CTNND2: variants seen among roughly 807,000 people sequenced by gnomAD.
The protein encoded by CTNND2 is catenin delta-2.
CTNND2 carries 22 observed loss-of-function variants against 144.4 expected under a neutral mutation model. That is an observed-to-expected ratio of 0.15 (90% CI 0.11 to 0.22). The LOEUF is 0.22. Ranked by LOEUF, CTNND2 falls within the 10% of genes least tolerant of loss-of-function variation. The pLI, the probability that CTNND2 is intolerant of heterozygous loss-of-function variation, is 1.00. For missense variants in CTNND2, 1,353 were observed against 1,618.8 expected, an observed-to-expected ratio of 0.84 and a Z score of 2.82; for synonymous variants, 751 against 695.6, an observed-to-expected ratio of 1.08 and a Z score of -1.25.
chr5:11,755,996 G>A (rs187760584), intron 1 of CTNND2, among the ~76,000 whole-genome samples: 1 of 151,712 alleles, frequency 6.6e-6, no homozygotes, highest in East Asian at 1.9e-4. Flanking sequence ...GTGTGGTCAT[G>A]TGGAGGTAGA....
chr5:11,346,676 A>G, intron 8 of CTNND2, 49 bp from the exon 9 acceptor site: 1 of 1,418,894 alleles, frequency 7.0e-7, no homozygotes, highest in Non-Finnish European at 9.2e-7. Flanking sequence ...ACCTGCTCAC[A>G]GAAATGGTTA....
chr5:11,081,748 T>C (rs1749593990), intron 16 of CTNND2, among the ~76,000 whole-genome samples: 1 of 152,238 alleles, frequency 6.6e-6, no homozygotes, highest in Non-Finnish European at 1.5e-5. Flanking sequence ...TCATATGTTC[T>C]ATGATTCCAT....
In CTNND2 at chr5:11,482,516, G is replaced by A. The variant is rs546664581; in HGVS notation, c.288-70447C>T. On this transcript the variant is annotated intron_variant, in intron 3 of 21. Transcript: ENST00000304623. ...GTAGTGAATAAAAACATCAAGAATC[G>A]CCATTCTCAAGGCGCTAACATTCCA... Among the ~76,000 whole-genome samples, 7 of 152,130 alleles carry A rather than the reference G, an allele frequency of 4.6e-5. No individual in the cohort carries two copies. In the East Asian group the frequency reaches 1.4e-3, roughly 30 times the overall value.
intron 9 of CTNND2, among the ~76,000 whole-genome samples, chr5:11,275,228 G>A (rs1746411058): frequency 1.3e-5 from 2 of 152,132 alleles, no homozygotes; most frequent in Admixed American, 1.3e-4. Flanking sequence ...TGGGGAAACT[G>A]AGTCACAAAG....
intron 3 of CTNND2, among the ~76,000 whole-genome samples, chr5:11,555,752 C>T (rs888870685): frequency 5.3e-5 from 8 of 151,752 alleles, no homozygotes; most frequent in Non-Finnish European, 8.8e-5. Context: ...GGGGTTATGA[C>T]AAGAAGAACA....
intron 2 of CTNND2, among the ~76,000 whole-genome samples, chr5:11,728,547 A>C (rs535030930): frequency 9.9e-5 from 15 of 152,278 alleles, no homozygotes; most frequent in African/African-American, 3.6e-4. Flanking sequence ...CAATAAGAAA[A>C]ACTAAAAGGA....
At chr5:11,106,642 G>A (rs1046886894) in intron 14 of CTNND2, among the ~76,000 whole-genome samples, 8 of 152,154 alleles carry the variant, frequency 5.3e-5, no homozygotes, top group African/African-American at 9.7e-5. Flanking sequence ...AATGCTACAC[G>A]ATTTCACTGG....
chr5:11,256,629 T>C (rs868394843), intron 9 of CTNND2, among the ~76,000 whole-genome samples: 4 of 152,320 alleles, frequency 2.6e-5, no homozygotes, highest in Middle Eastern at 6.8e-3. Context: ...ATATTACATA[T>C]GTACTAACTT....
intron 10 of CTNND2, among the ~76,000 whole-genome samples, chr5:11,204,536 G>A (rs1318341365): frequency 6.6e-6 from 1 of 152,090 alleles, no homozygotes; most frequent in Admixed American, 6.5e-5. Context: ...AGATATGCAA[G>A]TAATGCAATA....
chr5:11,749,838 T>C (rs1788514271), intron 1 of CTNND2, among the ~76,000 whole-genome samples: 1 of 152,038 alleles, frequency 6.6e-6, no homozygotes, highest in Non-Finnish European at 1.5e-5. Flanking sequence ...GATGATCTAA[T>C]CTTATTCATT....
chr5:11,334,665 G>C (rs55749156), intron 9 of CTNND2, among the ~76,000 whole-genome samples: 2 of 152,114 alleles, frequency 1.3e-5, no homozygotes, highest in Non-Finnish European at 2.9e-5. Context: ...TTTCAAAGAT[G>C]GGGGAGCCAC....
rs930127631 is a variant in CTNND2 at position 11,648,305 on chromosome 5, C to T, written c.175-83249G>A. Among the ~76,000 whole-genome samples the T allele has an allele frequency of 8.6e-5, 13 of 151,880 alleles. 1 individual carries two copies. Among genetic ancestry groups the T allele is most frequent in the African/African-American group, 3.1e-4 (13 of 41,318 alleles). On this transcript the variant is annotated intron_variant, in intron 2 of 21. Transcript: ENST00000304623. ...GGGAATATGGGCCACCAGACCTAGG[C>T]TACTTGGTCCTGCCCTGTTAATAGC... is the stretch of plus-strand genomic sequence containing the variant.
At chr5:11,406,023 T>G (rs1017591929) in intron 5 of CTNND2, among the ~76,000 whole-genome samples, 1 of 152,136 alleles carries the variant, frequency 6.6e-6, no homozygotes, top group African/African-American at 2.4e-5. Context: ...GTGGGGCACC[T>G]GTAATCCCAG....
At chr5:11,083,974 C>CA (rs1749872739) in intron 15 of CTNND2, 7 of 1,086,132 alleles carry the variant, frequency 6.4e-6, no homozygotes, top group Admixed American at 5.0e-5. Flanking sequence ...AATATGAAAT[C>CA]AAAAAAACAA....
chr5:11,346,818 C>T (rs982878461), intron 8 of CTNND2, among the ~76,000 whole-genome samples, 191 bp from the exon 9 acceptor site: 1 of 152,096 alleles, frequency 6.6e-6, no homozygotes, highest in African/African-American at 2.4e-5. Context: ...ATTAGCATGC[C>T]TAAGAGACAA....
chr5:11,761,698 T>C (rs1789272166), intron 1 of CTNND2, among the ~76,000 whole-genome samples: 1 of 152,120 alleles, frequency 6.6e-6, no homozygotes, highest in African/African-American at 2.4e-5. Context: ...AGGATGAAGC[T>C]TGTGTGAATA....
At chr5:11,073,079 T>G (rs2149615359) in intron 16 of CTNND2, among the ~76,000 whole-genome samples, 1 of 152,354 alleles carries the variant, frequency 6.6e-6, no homozygotes, top group East Asian at 1.9e-4. Flanking sequence ...GCCAGGATGG[T>G]TTAAAAAGAA....
intron 3 of CTNND2, among the ~76,000 whole-genome samples, chr5:11,440,133 A>G (rs1454811238): frequency 6.6e-6 from 1 of 152,194 alleles, no homozygotes. Flanking sequence ...CTCATTCTTA[A>G]TATTCTAATA....
chr5:11,796,673 A>G (rs1019914267), intron 1 of CTNND2, among the ~76,000 whole-genome samples: 1 of 152,214 alleles, frequency 6.6e-6, no homozygotes, highest in Non-Finnish European at 1.5e-5. Context: ...AAATGAAATA[A>G]TATACTTAAA....
Sources: gnomAD v4.1 joint callset for allele counts (sites outside exome capture counted in the v4.1 genomes callset) on GRCh38, gnomAD v4.1.1 for gene constraint, MANE v1.5 for transcripts, NCBI Gene and HGNC (gene_info 2026-07-23, HGNC 2026-07-21) for gene names.